BLVRA: variants seen among roughly 807,000 people sequenced by gnomAD.
BLVRA encodes BVR A.
BLVRA carries 22 observed loss-of-function variants against 32.8 expected under a neutral mutation model. That is an observed-to-expected ratio of 0.67 (90% CI 0.48 to 0.96). The LOEUF is 0.96. Ranked by LOEUF, BLVRA falls within the 40% of genes least tolerant of loss-of-function variation. BLVRA has a pLI of 0.00. For missense variants in BLVRA, 323 were observed against 358.1 expected, an observed-to-expected ratio of 0.90 and a Z score of 0.79; for synonymous variants, 119 against 141.3, an observed-to-expected ratio of 0.84 and a Z score of 1.12.
Position 43,807,045 on chromosome 7 carries a change from A to G in BLVRA, c.701A>G (p.Lys234Arg). ...KRNRYLSFHF[K>R]SGSLENVPNV... ...AACAGATATTTAAGCTTCCATTTCA[A>G]GTCTGGGTCCTTGGAGAATGTGCCA... Residue 234 changes from lysine (K) to arginine (R), a missense_variant, in exon 8 of 8, where the codon AAG (lysine) becomes AGG (arginine). Physicochemically the swap from Lys to Arg is conservative, Grantham distance 26. Transcript: ENST00000265523. 1 of 1,614,202 alleles carries G rather than the reference A, an allele frequency of 6.2e-7. No homozygotes were observed. Among genetic ancestry groups the G allele is most frequent in the Non-Finnish European group, 8.5e-7 (1 of 1,180,004 alleles).
At chr7:43,772,193 ATC>A (rs1372392430) in intron 2 of BLVRA, among the ~76,000 whole-genome samples, 1 of 152,142 alleles carries the variant, frequency 6.6e-6, no homozygotes, top group Non-Finnish European at 1.5e-5. Flanking sequence ...GGAGCTTTTC[ATC>A]TCTCTGCTCT....
chr7:43,784,082 T>C (rs1280361200), intron 2 of BLVRA, among the ~76,000 whole-genome samples: 5 of 152,364 alleles, frequency 3.3e-5, no homozygotes, highest in Admixed American at 6.5e-5. Flanking sequence ...ACTCTGTGAC[T>C]GTGATTTGGA....
chr7:43,776,649 C>T (rs1385898528), intron 2 of BLVRA, among the ~76,000 whole-genome samples: 7 of 152,104 alleles, frequency 4.6e-5, no homozygotes, highest in Non-Finnish European at 7.3e-5. Flanking sequence ...CTGTAGATGT[C>T]TATTAGGTCT....
At chr7:43,763,885 A>G (rs1399622363) in intron 1 of BLVRA, among the ~76,000 whole-genome samples, 1 of 152,248 alleles carries the variant, frequency 6.6e-6, no homozygotes, top group Non-Finnish European at 1.5e-5. Flanking sequence ...TCCTCACCTG[A>G]AATCTGAGAA....
chr7:43,786,711 A>G (rs867894170), intron 2 of BLVRA, among the ~76,000 whole-genome samples: 25 of 152,356 alleles, frequency 1.6e-4, no homozygotes, highest in Middle Eastern at 3.4e-3. Context: ...TAAATGAGAA[A>G]TCAATAATAG....
At chr7:43,786,129 C>T (rs1585729044) in intron 2 of BLVRA, among the ~76,000 whole-genome samples, 2 of 152,208 alleles carry the variant, frequency 1.3e-5, no homozygotes, top group Non-Finnish European at 2.9e-5. Flanking sequence ...TAACTATATG[C>T]TGCCTATAAG....
chr7:43,770,155 G>T (rs1261360109), intron 1 of BLVRA, among the ~76,000 whole-genome samples: 1 of 152,190 alleles, frequency 6.6e-6, no homozygotes, highest in Non-Finnish European at 1.5e-5. Context: ...CAAGCTAGGA[G>T]TGGTCATCGT....
chr7:43,805,744 C>T (rs1390017168), intron 7 of BLVRA, among the ~76,000 whole-genome samples: 2 of 151,908 alleles, frequency 1.3e-5, no homozygotes, highest in East Asian at 1.9e-4. Flanking sequence ...ATTTTGAGAC[C>T]GGGTTATGAG....
chr7:43,793,618 CTT>C (rs35816005), intron 5 of BLVRA, among the ~76,000 whole-genome samples: 61 of 135,444 alleles, frequency 4.5e-4, no homozygotes, highest in Non-Finnish European at 4.4e-4. Flanking sequence ...TCTTTTACAA[CTT>C]TTTTTTTTTT....
At chr7:43,768,410 G>A in intron 1 of BLVRA, among the ~76,000 whole-genome samples, 1 of 152,202 alleles carries the variant, frequency 6.6e-6, no homozygotes, top group Non-Finnish European at 1.5e-5. Flanking sequence ...GGCACAGCCT[G>A]GGTTTGAGTC....
intron 3 of BLVRA, among the ~76,000 whole-genome samples, chr7:43,788,682 G>A (rs535613905): frequency 1.8e-4 from 27 of 152,084 alleles, no homozygotes; most frequent in South Asian, 8.3e-4. Context: ...CAATCACAGC[G>A]CACTGCAGCC....
At chr7:43,764,902 T>G (rs973626989) in intron 1 of BLVRA, among the ~76,000 whole-genome samples, 1 of 152,180 alleles carries the variant, frequency 6.6e-6, no homozygotes, top group African/African-American at 2.4e-5. Flanking sequence ...AGGGACCCCG[T>G]GTCCTGCTCT....
At chr7:43,760,183 G>C (rs937989685) in intron 1 of BLVRA, 2 of 151,700 alleles carry the variant, frequency 1.3e-5, no homozygotes, top group Non-Finnish European at 2.9e-5. Context: ...GCGCCCGGCC[G>C]ATCTTTACTT....
chr7:43,786,502 G>A (rs996767726), intron 2 of BLVRA, among the ~76,000 whole-genome samples: 2 of 152,138 alleles, frequency 1.3e-5, no homozygotes, highest in African/African-American at 2.4e-5. Context: ...GGAAGGATAC[G>A]AAGACCTGAA....
intron 5 of BLVRA, among the ~76,000 whole-genome samples, chr7:43,797,164 G>A (rs562360601): frequency 1.3e-3 from 203 of 152,226 alleles, no homozygotes; most frequent in South Asian, 4.4e-3. Context: ...ACGCAGTGGC[G>A]CAAACCTCCG....
At chr7:43,783,374 T>G (rs1218857211) in intron 2 of BLVRA, among the ~76,000 whole-genome samples, 1 of 152,132 alleles carries the variant, frequency 6.6e-6, no homozygotes, top group African/African-American at 2.4e-5. Flanking sequence ...ACCCCTCCTG[T>G]TACTACACAG....
chr7:43,769,220 G>C (rs558541900), intron 1 of BLVRA, among the ~76,000 whole-genome samples: 2 of 152,136 alleles, frequency 1.3e-5, no homozygotes, highest in Admixed American at 1.3e-4. Flanking sequence ...AGTAAAGACA[G>C]GGTCTTGCCA....
At chr7:43,768,447 G>C (rs139158661) in intron 1 of BLVRA, among the ~76,000 whole-genome samples, 4 of 152,170 alleles carry the variant, frequency 2.6e-5, no homozygotes, top group African/African-American at 9.7e-5. Flanking sequence ...GGAAATTGCA[G>C]GGCAGTGCCG....
chr7:43,776,470 C>G (rs1335982523), intron 2 of BLVRA, among the ~76,000 whole-genome samples: 4 of 152,164 alleles, frequency 2.6e-5, no homozygotes, highest in Admixed American at 6.5e-5. Context: ...GTTTCTTAAT[C>G]CTGAGTTCTA....
Sources: gnomAD v4.1 joint callset for allele counts (sites outside exome capture counted in the v4.1 genomes callset) on GRCh38, gnomAD v4.1.1 for gene constraint, MANE v1.5 for transcripts, NCBI Gene and HGNC (gene_info 2026-07-23, HGNC 2026-07-21) for gene names.